The following RABGEF1 variants were observed in gnomAD, a reference collection of about 807,000 sequenced individuals.
RABGEF1 encodes RAB guanine nucleotide exchange factor 1.
Under a neutral mutation model 57.3 loss-of-function variants are expected in RABGEF1, and 26 were observed. The ratio of observed to expected loss-of-function variants is 0.45; its 90% CI spans 0.33 to 0.63. The LOEUF is 0.63. Ranked by LOEUF, RABGEF1 falls within the 20% of genes least tolerant of loss-of-function variation. The pLI is 0.02. For synonymous variants in RABGEF1, 185 were observed against 210.7 expected (o/e 0.88, Z 1.06); for missense variants, 464 against 607.6 (o/e 0.76, Z 2.48).
intron 2 of RABGEF1, among the ~76,000 whole-genome samples, chr7:66,728,274 G>T (rs766621206): frequency 2.0e-5 from 3 of 152,228 alleles, no homozygotes; most frequent in Non-Finnish European, 2.9e-5. Flanking sequence ...GCTAAGCTTG[G>T]GGGGGCCACT....
chr7:66,738,080 G>T (rs1798257039), upstream of RABGEF1, among the ~76,000 whole-genome samples: 1 of 150,540 alleles, frequency 6.6e-6, no homozygotes, highest in South Asian at 2.1e-4. Flanking sequence ...GAGTGTAGTG[G>T]CATGATCACT....
intron 5 of RABGEF1, 139 bp from the exon 6 acceptor site, chr7:66,797,235 T>TG: frequency 1.3e-6 from 1 of 787,438 alleles, no homozygotes; most frequent in South Asian, 2.0e-5. Flanking sequence ...GCCCAGGAGG[T>TG]GGAGGTTTCA....
intron 1 of RABGEF1, among the ~76,000 whole-genome samples, chr7:66,763,636 A>G (rs1380876092): frequency 6.6e-6 from 1 of 152,190 alleles, no homozygotes. Context: ...AAAGGAACCC[A>G]TGCCCTTTCT....
chr7:66,806,864 G>A (rs192580680), intron 8 of RABGEF1, among the ~76,000 whole-genome samples: 15 of 152,082 alleles, frequency 9.9e-5, no homozygotes, highest in African/African-American at 2.7e-4. Flanking sequence ...GGCTGGTCTC[G>A]AACTCCTGAC....
chr7:66,808,820 T>G, intron 8 of RABGEF1, 66 bp from the exon 9 acceptor site: 1 of 1,410,720 alleles, frequency 7.1e-7, no homozygotes, highest in Non-Finnish European at 9.6e-7. Context: ...TCAAAAGATT[T>G]TTACAAATCG....
intron 7 of RABGEF1, among the ~76,000 whole-genome samples, chr7:66,800,181 G>A (rs1167265663): frequency 6.6e-6 from 1 of 152,208 alleles, no homozygotes; most frequent in Non-Finnish European, 1.5e-5. Flanking sequence ...GTTGGAGGCT[G>A]GCCATCGAGT....
intron 2 of RABGEF1, among the ~76,000 whole-genome samples, chr7:66,722,412 C>T (rs1796151880): frequency 6.6e-6 from 1 of 152,156 alleles, no homozygotes; most frequent in Admixed American, 6.5e-5. Flanking sequence ...TGCACGCCAG[C>T]CTGGATGACA....
At chr7:66,728,708 T>G (rs1198616777) in intron 2 of RABGEF1, among the ~76,000 whole-genome samples, 1 of 32,066 alleles carries the variant, frequency 3.1e-5, no homozygotes, top group Non-Finnish European at 6.8e-5. Context: ...ACCTCAACTT[T>G]CAGCTCTGTC....
rs527391472 is a variant in RABGEF1, at chr7:66,760,901, T to C, written c.-17-10982T>C. Among the ~76,000 whole-genome samples the C allele has an allele frequency of 2.6e-5, 4 of 152,332 alleles. No homozygotes were observed. In the South Asian group the frequency reaches 8.3e-4, roughly 32 times the overall value. On this transcript the variant is annotated intron_variant, in intron 1 of 8. Coordinates refer to ENST00000284957, the MANE Select transcript of RABGEF1 (RefSeq NM_014504.3). ...ACCTTCGCCTCCCAAAGTGCTGGGATTGTAGGCGTGAACCATTGCACCTGG... is the reference window on the plus strand; with the variant it reads ...ACCTTCGCCTCCCAAAGTGCTGGGACTGTAGGCGTGAACCATTGCACCTGG...
chr7:66,767,001 T>TC (rs1491543468), intron 1 of RABGEF1, among the ~76,000 whole-genome samples: 1 of 39,440 alleles, frequency 2.5e-5, no homozygotes, highest in African/African-American at 6.0e-5. Flanking sequence ...GTCAAGTTTC[T>TC]TTTTTTTTTT....
upstream of RABGEF1, among the ~76,000 whole-genome samples, chr7:66,739,090 G>A (rs1183022784): frequency 2.0e-5 from 3 of 151,862 alleles, no homozygotes; most frequent in Non-Finnish European, 4.4e-5. Flanking sequence ...TGCTGGGATT[G>A]CAGGCATGTG....
rs192013022 is a variant in RABGEF1 at position 66,752,269 on chromosome 7, G to A, written c.-18+11477G>A. ...AGCGCTTTGGGAGTCCGAGGTGGAC[G>A]GATCACAACAAGGTCAGGAGTTCGA... On this transcript the variant is annotated intron_variant, in intron 1 of 8. Coordinates refer to ENST00000284957, the MANE Select transcript of RABGEF1 (RefSeq NM_014504.3). Among the ~76,000 whole-genome samples, 83 of 152,050 alleles carry A rather than the reference G, an allele frequency of 5.5e-4. 1 individual carries two copies. The South Asian group carries it at 0.012, about 22-fold the overall frequency.
intron 2 of RABGEF1, among the ~76,000 whole-genome samples, chr7:66,717,428 A>G: frequency 6.6e-6 from 1 of 152,178 alleles, no homozygotes. Context: ...TAAAATACTT[A>G]TTAGACAATA....
rs1375010566 is a variant in RABGEF1 at position 66,809,775 on chromosome 7, A to G, written c.*491A>G. 2 of 152,706 alleles carry G rather than the reference A, an allele frequency of 1.3e-5. No homozygotes were observed. Among genetic ancestry groups the G allele is most frequent in the African/African-American group, 2.4e-5 (1 of 41,456 alleles). 9.5% of individuals were successfully genotyped at this position (152,706 alleles called of 1,614,324 possible). A position where few individuals can be genotyped will look rare whatever the true frequency, so the allele number is the denominator to read the frequency against. On this transcript the variant is annotated 3_prime_UTR_variant, in exon 9 of 9. Transcript: ENST00000284957. ...TGGTGTCTGCTGTGCATGGCATTTT[A>G]TATGTTAATTTTTTAGTTTAAAATG...
chr7:66,783,958 TA>T, intron 4 of RABGEF1, 117 bp downstream of exon 4: 2 of 991,064 alleles, frequency 2.0e-6, no homozygotes, highest in Admixed American at 6.8e-5. Context: ...CAAGAGATGT[TA>T]AATTACTTAC....
intron 1 of RABGEF1, among the ~76,000 whole-genome samples, chr7:66,697,112 G>T (rs924136604): frequency 1.3e-5 from 2 of 152,180 alleles, no homozygotes; most frequent in African/African-American, 4.8e-5. Flanking sequence ...AGTCATGGTG[G>T]TGAGGGTGGA....
At chr7:66,666,542 C>G in the RABGEF1 span, among the ~76,000 whole-genome samples, 37 of 152,202 alleles carry the variant, frequency 2.4e-4, no homozygotes, top group Non-Finnish European at 4.6e-4. Context: ...TATTGGTGGG[C>G]ACTCCAGTGA....
intron 3 of RABGEF1, among the ~76,000 whole-genome samples, chr7:66,781,735 C>T (rs927726179): frequency 2.6e-5 from 4 of 152,188 alleles, no homozygotes; most frequent in Non-Finnish European, 2.9e-5. Context: ...CTCTCCCCTC[C>T]GTAGTGTTTG....
rs1313657048 is a variant in RABGEF1 at position 66,773,734 on chromosome 7, C to A, written c.180-1493C>A. On this transcript the variant is annotated intron_variant, in intron 2 of 8. Coordinates refer to ENST00000284957, the MANE Select transcript of RABGEF1 (RefSeq NM_014504.3). ...TGGCTGGAGTGCAATGGTGCAATTT[C>A]AACTTACTGCAACCTCTGCTTCCTG... 2.2e-5 allele frequency: 10 copies of A among 453,866 alleles called. No individual in the cohort carries two copies. In the East Asian group the frequency reaches 7.0e-4, roughly 32 times the overall value. The allele number at this position is 453,866 out of a possible 1,614,324, so 28.1% of individuals were successfully genotyped here.
Sources: allele counts gnomAD v4.1 joint callset (sites outside exome capture counted in the v4.1 genomes callset), GRCh38; gene constraint gnomAD v4.1.1; transcripts MANE v1.5; gene names NCBI Gene and HGNC (gene_info 2026-07-23, HGNC 2026-07-21).